Variants in CDH13 observed in about 807,000 individuals in gnomAD.
CDH13 encodes the protein cadherin 13.
In CDH13, 24 loss-of-function variants were observed where a neutral mutation model predicts 63.8. The ratio of observed to expected loss-of-function variants is 0.38; its 90% CI spans 0.27 to 0.53. The LOEUF (loss-of-function observed/expected upper bound fraction) is 0.53, where lower values mean the gene tolerates loss of function less well. CDH13 is among the 20% of genes least tolerant of loss of function. The pLI is 0.85. For missense variants in CDH13, 1,049 were observed against 903.1 expected (o/e 1.16, Z -2.07); for synonymous variants, 503 against 355.3 (o/e 1.42, Z -4.67).
At chr16:83,424,305 G>A (rs1264308558) in intron 6 of CDH13, among the ~76,000 whole-genome samples, 1 of 151,482 alleles carries the variant, frequency 6.6e-6, no homozygotes, top group Non-Finnish European at 1.5e-5. Context: ...GTCTAGAAGA[G>A]GGAAATCCAG....
intron 1 of CDH13, among the ~76,000 whole-genome samples, chr16:82,845,612 T>C (rs1257711215): frequency 6.6e-6 from 1 of 152,110 alleles, no homozygotes; most frequent in Non-Finnish European, 1.5e-5. Context: ...CAGACAAGGT[T>C]CCCAGTGCCT....
intron 7 of CDH13, among the ~76,000 whole-genome samples, chr16:83,509,296 A>G (rs900896320): frequency 1.3e-5 from 2 of 152,260 alleles, no homozygotes; most frequent in East Asian, 3.8e-4. Context: ...CTTTGTCTCA[A>G]GGGGATCAGG....
intron 2 of CDH13, among the ~76,000 whole-genome samples, chr16:82,923,327 T>C (rs959159441): frequency 1.1e-4 from 16 of 152,352 alleles, no homozygotes; most frequent in Admixed American, 4.6e-4. Flanking sequence ...CTGGTGTGCA[T>C]GGTATGCTCA....
chr16:82,698,840 A>C (rs2030650773), intron 1 of CDH13, among the ~76,000 whole-genome samples: 1 of 152,228 alleles, frequency 6.6e-6, no homozygotes, highest in South Asian at 2.1e-4. Context: ...AAAAGGACAG[A>C]TAGTAAATAT....
intron 7 of CDH13, among the ~76,000 whole-genome samples, chr16:83,502,393 GA>G (rs113222334): frequency 0.017 from 2,627 of 150,362 alleles, 67 homozygotes; most frequent in African/African-American, 0.059. Flanking sequence ...AACAAAAAAG[GA>G]AAAAAAAAGG....
intron 5 of CDH13, among the ~76,000 whole-genome samples, chr16:83,240,743 T>TTTG (rs1904359998): frequency 1.1e-5 from 1 of 89,522 alleles, no homozygotes. Flanking sequence ...TTTTTTTTTT[T>TTTG]GAGAAACAAG....
At chr16:83,433,060 G>C (rs1209888767) in intron 6 of CDH13, among the ~76,000 whole-genome samples, 4 of 152,146 alleles carry the variant, frequency 2.6e-5, no homozygotes, top group African/African-American at 9.7e-5. Context: ...CTCTCTTACT[G>C]TGTCATGCTT....
intron 7 of CDH13, among the ~76,000 whole-genome samples, chr16:83,573,469 T>C (rs76217753): frequency 0.014 from 2,194 of 152,296 alleles, 28 homozygotes; most frequent in Middle Eastern, 0.048. Flanking sequence ...TGACCAGCAC[T>C]TGTGACACAT....
intron 2 of CDH13, among the ~76,000 whole-genome samples, chr16:83,018,426 C>G (rs888989588): frequency 1.3e-5 from 2 of 152,102 alleles, no homozygotes; most frequent in Non-Finnish European, 2.9e-5. Flanking sequence ...GTATGTTGAA[C>G]TTTAGAATAA....
chr16:83,763,501 A>T (rs978510699), intron 11 of CDH13, among the ~76,000 whole-genome samples: 2 of 152,210 alleles, frequency 1.3e-5, no homozygotes, highest in Admixed American at 1.3e-4. Context: ...AGGGGCTCTG[A>T]ACTGAACTTC....
intron 3 of CDH13, among the ~76,000 whole-genome samples, chr16:83,055,725 T>A (rs934776354): frequency 6.6e-6 from 1 of 151,894 alleles, no homozygotes; most frequent in African/African-American, 2.4e-5. Flanking sequence ...AGAAAAAAAA[T>A]GAAACGCTTT....
intron 6 of CDH13, among the ~76,000 whole-genome samples, chr16:83,389,929 A>T (rs186316359): frequency 6.6e-6 from 1 of 152,214 alleles, no homozygotes; most frequent in African/African-American, 2.4e-5. Flanking sequence ...AGTCTCTCCA[A>T]CGCTTTAACT....
chr16:83,567,241 C>T (rs914571060), intron 7 of CDH13, among the ~76,000 whole-genome samples: 2 of 152,216 alleles, frequency 1.3e-5, no homozygotes, highest in Admixed American at 1.3e-4. Context: ...TTGACTTCTT[C>T]GCCTTCCCTA....
intron 11 of CDH13, among the ~76,000 whole-genome samples, chr16:83,760,171 T>C (rs1177297134): frequency 6.6e-6 from 1 of 152,152 alleles, no homozygotes; most frequent in Non-Finnish European, 1.5e-5. Flanking sequence ...TACAGCAGCA[T>C]ACCTATAAAA....
rs1418220216 is a variant in CDH13 at position 83,410,920 on chromosome 16, G to A, written c.781+65914G>A. Among the ~76,000 whole-genome samples the A allele has an allele frequency of 6.6e-5, 10 of 152,134 alleles. 1 individual carries two copies. Among genetic ancestry groups the A allele is most frequent in the Admixed American group, 4.6e-4 (7 of 15,280 alleles). ...CATCAAGACTGAAGCCACCACTTAC[G>A]ATCCAATCAACCTTTTTAACTGTCA... On this transcript the variant is annotated intron_variant, in intron 6 of 13. Coordinates refer to ENST00000567109, the MANE Select transcript of CDH13 (RefSeq NM_001257.5).
At chr16:83,445,783 G>C (rs1288848662) in intron 6 of CDH13, among the ~76,000 whole-genome samples, 1 of 152,136 alleles carries the variant, frequency 6.6e-6, no homozygotes. Flanking sequence ...CTAAGGTAGG[G>C]GGAGAAGTGT....
At chr16:82,972,800 T>C (rs758218992) in intron 2 of CDH13, among the ~76,000 whole-genome samples, 1 of 152,164 alleles carries the variant, frequency 6.6e-6, no homozygotes, top group Non-Finnish European at 1.5e-5. Context: ...AAAGAGCTTG[T>C]CAAGCTCTTA....
chr16:83,076,962 C>T (rs553696215), intron 3 of CDH13, among the ~76,000 whole-genome samples: 2 of 152,002 alleles, frequency 1.3e-5, no homozygotes, highest in Admixed American at 1.3e-4. Flanking sequence ...GCAACCCAAA[C>T]CCCCATCAAG....
At chr16:83,483,511 G>T (rs2073820485) in intron 6 of CDH13, among the ~76,000 whole-genome samples, 1 of 149,260 alleles carries the variant, frequency 6.7e-6, no homozygotes, top group Non-Finnish European at 1.5e-5. Flanking sequence ...GCATATGTCA[G>T]TTGCAAGCCA....
Sources: allele counts gnomAD v4.1 joint callset (sites outside exome capture counted in the v4.1 genomes callset), GRCh38; gene constraint gnomAD v4.1.1; transcripts MANE v1.5; gene names NCBI Gene and HGNC (gene_info 2026-07-23, HGNC 2026-07-21).